Variants in SORL1 observed in about 807,000 individuals in gnomAD.
SORL1 encodes sortilin-related receptor.
A neutral mutation model predicts 273.7 loss-of-function variants in SORL1; 127 were observed. That is an observed-to-expected ratio of 0.46 (90% confidence interval 0.40 to 0.54). The LOEUF is 0.54. Among genes scored for constraint, SORL1 ranks in the 20% least tolerant of loss-of-function variants. The pLI is 0.00. For synonymous variants in SORL1, 1,031 were observed against 1,067.4 expected (o/e 0.97, Z 0.66); for missense variants, 2,494 against 2,846.1 (o/e 0.88, Z 2.81).
chr11:121,571,268 G>A (rs1308844354), intron 23 of SORL1, among the ~76,000 whole-genome samples: 1 of 152,244 alleles, frequency 6.6e-6, no homozygotes, highest in Admixed American at 6.5e-5. Flanking sequence ...TCAATTCACA[G>A]GCAAGGGAGC....
intron 9 of SORL1, 99 bp from the exon 10 acceptor site, chr11:121,522,487 C>G: frequency 1.1e-6 from 1 of 874,956 alleles, no homozygotes; most frequent in East Asian, 2.4e-5. Context: ...CCTCCTTGCC[C>G]CGTGTCAGCT....
At chr11:121,585,894 A>G (rs903228613) in intron 26 of SORL1, among the ~76,000 whole-genome samples, 3 of 152,182 alleles carry the variant, frequency 2.0e-5, no homozygotes, top group African/African-American at 4.8e-5. Context: ...ACTGTTTTCA[A>G]TCTATTACAC....
At chr11:121,547,417 CAAAAAAAAA>C (rs67390938) in intron 14 of SORL1, among the ~76,000 whole-genome samples, 9 of 24,034 alleles carry the variant, frequency 3.7e-4, no homozygotes, top group East Asian at 1.2e-3. Flanking sequence ...CAACCCTCAC[CAAAAAAAAA>C]AAAAAAAAAA....
intron 41 of SORL1, among the ~76,000 whole-genome samples, chr11:121,616,633 C>A (rs958242012): frequency 4.6e-5 from 7 of 152,252 alleles, no homozygotes; most frequent in Admixed American, 1.3e-4. Context: ...TTGAGTCCCT[C>A]AGCGCTTCTC....
intron 33 of SORL1, among the ~76,000 whole-genome samples, chr11:121,604,752 G>A (rs2134922335): frequency 6.6e-6 from 1 of 152,192 alleles, no homozygotes; most frequent in East Asian, 1.9e-4. Context: ...TGAAATTCGA[G>A]GGAAAATATC....
At chr11:121,577,197 A>G (rs1862943782) in intron 24 of SORL1, 84 bp from the exon 25 acceptor site, 5 of 1,502,390 alleles carry the variant, frequency 3.3e-6, no homozygotes, top group Non-Finnish European at 4.5e-6. Flanking sequence ...GTCCATCTCC[A>G]TCCTTTATGA....
chr11:121,614,785 T>A lies in SORL1; in HGVS notation c.5420-86T>A, dbSNP rs894604378. On this transcript the variant is annotated intron_variant, in intron 40 of 47. Transcript: ENST00000260197. The stretch of plus-strand genomic sequence containing the variant: ...CATTTAAGTCAAGAGATTACTATTT[T>A]TTTTTAAAAAAGTGCATGTACCAAG... 4 of 1,047,734 alleles carry A rather than the reference T, an allele frequency of 3.8e-6. No homozygotes were observed. In the African/African-American group the frequency reaches 6.4e-5, roughly 17 times the overall value. The allele number at this position is 1,047,734 out of a possible 1,614,324, so 64.9% of individuals were successfully genotyped here.
intron 16 of SORL1, 27 bp from the exon 17 acceptor site, chr11:121,553,910 C>A (rs769624924): frequency 2.5e-6 from 4 of 1,601,050 alleles, no homozygotes; most frequent in Non-Finnish European, 1.7e-6. Flanking sequence ...TGGGTCCAAC[C>A]TCCCACGTGT....
At chr11:121,511,043 A>G (rs1861870552) in intron 6 of SORL1, among the ~76,000 whole-genome samples, 1 of 152,208 alleles carries the variant, frequency 6.6e-6, no homozygotes, top group African/African-American at 2.4e-5. Flanking sequence ...CTAGTGTGCC[A>G]TAGTTTAATT....
rs747107313 is a variant in SORL1 at position 121,532,514 on chromosome 11, C to A, written c.1647C>A (p.Ile549=). The A allele has an allele frequency of 1.7e-5, 27 of 1,614,154 alleles. No individual in the cohort carries two copies. In the South Asian group the frequency reaches 3.0e-4, roughly 18 times the overall value. ...YYTWGDHGGI[I]TAIAQGMETN... ...CATGGGGAGACCACGGCGGAATCATCACGGCCATTGCCCAGGGCATGGAAA... is the reference window on the plus strand; with the variant it reads ...CATGGGGAGACCACGGCGGAATCATAACGGCCATTGCCCAGGGCATGGAAA... Residue 549 remains isoleucine, a synonymous_variant, in exon 12 of 48, where the codon ATC becomes ATA. Coordinates refer to ENST00000260197, the MANE Select transcript of SORL1 (RefSeq NM_003105.6).
At chr11:121,617,778 C>G (rs1863661812) in intron 41 of SORL1, among the ~76,000 whole-genome samples, 1 of 152,246 alleles carries the variant, frequency 6.6e-6, no homozygotes, top group South Asian at 2.1e-4. Context: ...CATCCCATTC[C>G]CACTTCCCTG....
intron 1 of SORL1, among the ~76,000 whole-genome samples, chr11:121,459,173 G>A (rs1418490029): frequency 6.6e-6 from 1 of 152,222 alleles, no homozygotes; most frequent in Non-Finnish European, 1.5e-5. Context: ...GTGAAATGTG[G>A]CAAGTGTGAC....
intron 30 of SORL1, 119 bp downstream of exon 30, chr11:121,590,293 G>A (rs1565347042): frequency 9.8e-7 from 1 of 1,024,766 alleles, no homozygotes; most frequent in Non-Finnish European, 1.4e-6. Context: ...TTTTGTGAGA[G>A]GAGTGACTCA....
rs867003924 is a variant in SORL1 at position 121,627,585 on chromosome 11, G to A, written c.6395G>A (p.Arg2132Lys). The A allele has an allele frequency of 3.1e-6, 5 of 1,614,202 alleles. No individual in the cohort carries two copies. In the Middle Eastern group the frequency reaches 4.9e-4, roughly 160 times the overall value. Reference sequence around the variant, plus strand: ...GATGCATCTGCAACGCAGGCTGCCAGATCTACGGATGTTGCTGCTGTGGTG... The same window carrying A: ...GATGCATCTGCAACGCAGGCTGCCAAATCTACGGATGTTGCTGCTGTGGTG... ...GADASATQAARSTDVAAVVVP... is the reference protein window; with the variant it reads ...GADASATQAAKSTDVAAVVVP... The change falls in exon 47 of 48, where the codon AGA becomes AAA. Residue 2132 changes from arginine (R) to lysine (K), a missense_variant. Coordinates refer to ENST00000260197, the MANE Select transcript of SORL1 (RefSeq NM_003105.6). The surrounding 1 kb of genome is among the most constrained non-coding windows in gnomAD (Gnocchi z 4.9).
chr11:121,626,398 T>G (rs1863794996), intron 46 of SORL1: 1 of 151,966 alleles, frequency 6.6e-6, no homozygotes, highest in Admixed American at 6.5e-5. Context: ...ACCCCCTTCA[T>G]TAACCACTGC....
chr11:121,502,617 C>G (rs577724490), intron 6 of SORL1, among the ~76,000 whole-genome samples: 1 of 152,266 alleles, frequency 6.6e-6, no homozygotes, highest in African/African-American at 2.4e-5. Context: ...TTATGGTTTT[C>G]ATTTGAATTC....
At chr11:121,590,636 AGTTGCG>A in intron 30 of SORL1, 1 of 603,118 alleles carries the variant, frequency 1.7e-6, no homozygotes, top group Non-Finnish European at 2.9e-6. Flanking sequence ...GTCGTGGAGT[AGTTGCG>A]GTTGAATTAA....
chr11:121,502,285 G>A (rs1261380976), intron 6 of SORL1, among the ~76,000 whole-genome samples: 11 of 151,490 alleles, frequency 7.3e-5, no homozygotes, highest in African/African-American at 1.2e-4. Flanking sequence ...ACAGGTGCCC[G>A]CCGCCACACC....
chr11:121,553,779 C>T (rs1277394765), intron 16 of SORL1, among the ~76,000 whole-genome samples, 158 bp from the exon 17 acceptor site: 4 of 152,242 alleles, frequency 2.6e-5, no homozygotes, highest in African/African-American at 9.6e-5. Flanking sequence ...GATTCCATTA[C>T]ACACCTCCTG....
Sources: allele counts gnomAD v4.1 joint callset (sites outside exome capture counted in the v4.1 genomes callset), GRCh38; gene constraint gnomAD v4.1.1; non-coding constraint Gnocchi (gnomAD v3.1); transcripts MANE v1.5; gene names NCBI Gene and HGNC (gene_info 2026-07-23, HGNC 2026-07-21).